Variants in APPL2 observed in about 807,000 individuals in gnomAD.
The protein encoded by APPL2 is DCC-interacting protein 13-beta.
In APPL2, 84 loss-of-function variants were observed where a neutral mutation model predicts 92.7. The ratio of observed to expected loss-of-function variants is 0.91; its 90% CI spans 0.76 to 1.09. APPL2 has a LOEUF of 1.09. Ranked by LOEUF, APPL2 falls within the 50% of genes least tolerant of loss-of-function variation. The probability of loss-of-function intolerance (pLI) is 0.00; values close to 1 mark genes in which losing one functional copy is unlikely to be tolerated. For synonymous variants in APPL2, 291 were observed against 291.0 expected (o/e 1.00, Z 0.00); for missense variants, 736 against 824.5 (o/e 0.89, Z 1.31).
intron 16 of APPL2, among the ~76,000 whole-genome samples, chr12:105,189,175 C>A (rs1056019951): frequency 6.6e-6 from 1 of 151,356 alleles, no homozygotes; most frequent in Non-Finnish European, 1.5e-5. Context: ...CCTGTCACTA[C>A]ACCTGGCTAA....
chr12:105,224,475 G>A (rs545666912), intron 2 of APPL2, among the ~76,000 whole-genome samples: 7 of 152,236 alleles, frequency 4.6e-5, no homozygotes, highest in South Asian at 2.1e-4. Context: ...GGTGGCTAGC[G>A]TGTCAGGAGA....
At chr12:105,201,516 G>A (rs944850345) in intron 9 of APPL2, among the ~76,000 whole-genome samples, 3 of 151,926 alleles carry the variant, frequency 2.0e-5, no homozygotes, top group Non-Finnish European at 4.4e-5. Context: ...AGAAAGACAC[G>A]GGCACCAACG....
At chr12:105,232,253 G>A (rs576690231) in intron 1 of APPL2, among the ~76,000 whole-genome samples, 12 of 152,166 alleles carry the variant, frequency 7.9e-5, no homozygotes, top group Admixed American at 2.6e-4. Context: ...TCTACTGCCC[G>A]ACACTTTTAA....
At chr12:105,189,965 C>G in intron 15 of APPL2, 26 bp downstream of exon 15, 2 of 1,612,420 alleles carry the variant, frequency 1.2e-6, no homozygotes, top group Non-Finnish European at 1.7e-6. Context: ...TCAGTTCTCC[C>G]AGAGATAACC....
intron 3 of APPL2, 78 bp downstream of exon 3, chr12:105,217,588 T>C: frequency 4.3e-6 from 6 of 1,397,494 alleles, no homozygotes; most frequent in Non-Finnish European, 5.0e-6. Flanking sequence ...TTTAGGTCTC[T>C]AAGGATGCCT....
At chr12:105,222,408 G>A (rs1890172912) in intron 2 of APPL2, among the ~76,000 whole-genome samples, 1 of 152,180 alleles carries the variant, frequency 6.6e-6, no homozygotes, top group Non-Finnish European at 1.5e-5. Flanking sequence ...AGACAGTGCA[G>A]AGCGGGGCAT....
At chr12:105,209,546 T>C (rs1592809108) in intron 5 of APPL2, among the ~76,000 whole-genome samples, 1 of 152,158 alleles carries the variant, frequency 6.6e-6, no homozygotes, top group African/African-American at 2.4e-5. Context: ...AAGACATAAA[T>C]CTGACAACAT....
chr12:105,233,503 A>T (rs934137880), intron 1 of APPL2: 1 of 618,864 alleles, frequency 1.6e-6, no homozygotes, highest in African/African-American at 2.0e-5. Context: ...CACTCAGTTC[A>T]ATTACAAAAG....
rs1885246349 is a variant in APPL2, at chr12:105,174,165, A to G, written c.*149T>C. On this transcript the variant is annotated 3_prime_UTR_variant, in exon 21 of 21. Transcript: ENST00000258530. ...CAACCATTTCTTAGTTTCCCTCCCA[A>G]GTCTCAGTATCAAGGCATCAAGATT... 1 of 919,230 alleles carries G rather than the reference A, an allele frequency of 1.1e-6. No homozygotes were observed. The highest frequency in any genetic ancestry group is 1.6e-6 in the Non-Finnish European group (1 of 639,820). The allele number at this position is 919,230 out of a possible 1,614,324, so 56.9% of individuals were successfully genotyped here.
At chr12:105,233,160 G>T in intron 1 of APPL2, 3 of 985,428 alleles carry the variant, frequency 3.0e-6, no homozygotes, top group Non-Finnish European at 3.6e-6. Flanking sequence ...TGTTCCTATC[G>T]CAGCAGGATT....
At chr12:105,195,558 A>T in intron 12 of APPL2, 27 bp downstream of exon 12, 1 of 1,614,244 alleles carries the variant, frequency 6.2e-7, no homozygotes, top group South Asian at 1.1e-5. Context: ...CACGTTAGGA[A>T]AGAAATATGA....
intron 2 of APPL2, among the ~76,000 whole-genome samples, chr12:105,223,133 TGAG>T (rs1244322862): frequency 6.6e-6 from 1 of 152,032 alleles, no homozygotes; most frequent in Non-Finnish European, 1.5e-5. Flanking sequence ...CGTCTGAAGA[TGAG>T]GAGGTGACGG....
intron 9 of APPL2, among the ~76,000 whole-genome samples, chr12:105,199,814 T>G (rs7964184): frequency 0.13 from 20,447 of 151,956 alleles, 1,625 homozygotes; most frequent in African/African-American, 0.23. Flanking sequence ...AGTCTTTTTT[T>G]TTGTTGTTTT....
intron 14 of APPL2, among the ~76,000 whole-genome samples, chr12:105,194,190 C>T (rs950986837): frequency 2.0e-5 from 3 of 152,166 alleles, no homozygotes; most frequent in Non-Finnish European, 2.9e-5. Flanking sequence ...TTTTAATTTA[C>T]CCTTTAATGC....
rs575607345 is a variant in APPL2, at chr12:105,197,536, A to G, written c.1052+229T>C. On this transcript the variant is annotated intron_variant, in intron 11 of 20. Coordinates refer to ENST00000258530, the MANE Select transcript of APPL2 (RefSeq NM_018171.5). The stretch of plus-strand genomic sequence containing the variant: ...CGTAGGTCATCTCTTCTCCAAAGCC[A>G]CAGACAAACCCTCACTTATCTCCAT... Among the ~76,000 whole-genome samples the G allele has an allele frequency of 3.9e-5, 6 of 152,312 alleles. No individual in the cohort carries two copies. The South Asian group carries it at 6.2e-4, about 16-fold the overall frequency.
chr12:105,176,297 C>G (rs1885539493), intron 19 of APPL2: 1 of 553,498 alleles, frequency 1.8e-6, no homozygotes. Flanking sequence ...AAAAAATATT[C>G]CAGGTAAGTG....
chr12:105,174,142 A>G lies in APPL2; in HGVS notation c.*172T>C, dbSNP rs939087861. ...TTGTAGATGGGTGGGAACGCTGTCA[A>G]CCATTTCTTAGTTTCCCTCCCAAGT... On this transcript the variant is annotated 3_prime_UTR_variant, in exon 21 of 21. Coordinates refer to ENST00000258530, the MANE Select transcript of APPL2 (RefSeq NM_018171.5). 8 of 755,992 alleles carry G rather than the reference A, an allele frequency of 1.1e-5. No homozygotes were observed. In the East Asian group the frequency reaches 2.1e-4, roughly 20 times the overall value. 46.8% of individuals were successfully genotyped at this position (755,992 alleles called of 1,614,324 possible). A position where few individuals can be genotyped will look rare whatever the true frequency, so the allele number is the denominator to read the frequency against.
At chr12:105,206,728 C>T in intron 8 of APPL2, 1 of 211,734 alleles carries the variant, frequency 4.7e-6, no homozygotes, top group Non-Finnish European at 9.5e-6. Context: ...CAAGCTATCC[C>T]AACCCCAGTG....
intron 2 of APPL2, among the ~76,000 whole-genome samples, chr12:105,218,005 G>A (rs537643661): frequency 6.6e-6 from 1 of 152,256 alleles, no homozygotes; most frequent in Non-Finnish European, 1.5e-5. Context: ...CTATTCAGGA[G>A]GCTAAGATGG....
Sources: allele counts gnomAD v4.1 joint callset (sites outside exome capture counted in the v4.1 genomes callset), GRCh38; gene constraint gnomAD v4.1.1; transcripts MANE v1.5; gene names NCBI Gene and HGNC (gene_info 2026-07-23, HGNC 2026-07-21).